Variants in POFUT3 observed in about 807,000 individuals in gnomAD.
The protein encoded by POFUT3 is GDP-fucose protein O-fucosyltransferase 3.
chr8:33,443,813 G>T, the POFUT3 span, among the ~76,000 whole-genome samples: 3 of 151,996 alleles, frequency 2.0e-5, no homozygotes, highest in Admixed American at 2.0e-4. Context: ...CCAGTTTCAT[G>T]CATGCAATCA....
At chr8:33,453,880 G>A in the POFUT3 span, among the ~76,000 whole-genome samples, 4 of 151,966 alleles carry the variant, frequency 2.6e-5, no homozygotes, top group Admixed American at 6.6e-5. Context: ...ACTTGAACTC[G>A]GGAGGCAGAG....
the POFUT3 span, among the ~76,000 whole-genome samples, chr8:33,468,187 C>T: frequency 6.6e-6 from 1 of 151,096 alleles, no homozygotes; most frequent in African/African-American, 2.4e-5. Context: ...ATGCAGTGAG[C>T]TGAGGTTGCA....
chr8:33,372,631 A>G, the POFUT3 span: 9 of 1,614,022 alleles, frequency 5.6e-6, no homozygotes, highest in South Asian at 8.8e-5. Flanking sequence ...TTTGATTCCT[A>G]TCAACCAGCC....
At chr8:33,462,880 G>A in the POFUT3 span, among the ~76,000 whole-genome samples, 15 of 151,674 alleles carry the variant, frequency 9.9e-5, no homozygotes, top group Non-Finnish European at 1.6e-4. Context: ...GCAGTAAGCC[G>A]TGACTGCACC....
chr8:33,394,513 T>C, the POFUT3 span, among the ~76,000 whole-genome samples: 1 of 152,192 alleles, frequency 6.6e-6, no homozygotes, highest in Admixed American at 6.5e-5. Flanking sequence ...CAGATCTGAG[T>C]AGCCCCTTAA....
the POFUT3 span, among the ~76,000 whole-genome samples, chr8:33,449,656 A>G: frequency 6.6e-6 from 1 of 152,056 alleles, no homozygotes. Flanking sequence ...CTATGATGTG[A>G]TGGAAAAATC....
chr8:33,354,418 T>C, the POFUT3 span, among the ~76,000 whole-genome samples: 2 of 152,158 alleles, frequency 1.3e-5, no homozygotes, highest in Non-Finnish European at 2.9e-5. Flanking sequence ...AGTAGGAGGA[T>C]AATTCCCAAT....
the POFUT3 span, among the ~76,000 whole-genome samples, chr8:33,394,805 T>TC: frequency 6.6e-6 from 1 of 152,056 alleles, no homozygotes; most frequent in African/African-American, 2.4e-5. Context: ...TACACCAATG[T>TC]CCCCCAACAC....
chr8:33,458,636 A>AACCCAGGAG, the POFUT3 span, among the ~76,000 whole-genome samples: 2,634 of 152,158 alleles, frequency 0.017, 43 homozygotes, highest in African/African-American at 0.045. Flanking sequence ...GAATTGCTTG[A>AACCCAGGAG]ACCCAGGAGG....
the POFUT3 span, among the ~76,000 whole-genome samples, chr8:33,445,003 G>A: frequency 4.9e-4 from 66 of 133,794 alleles, no homozygotes; most frequent in Admixed American, 2.2e-3. Context: ...GTGCAATCTC[G>A]ACTCACTGCA....
At chr8:33,401,870 A>G in the POFUT3 span, among the ~76,000 whole-genome samples, 1 of 152,160 alleles carries the variant, frequency 6.6e-6, no homozygotes, top group Admixed American at 6.5e-5. Flanking sequence ...TCTACTAAAA[A>G]TACAAAAATA....
chr8:33,343,115 A>G, the POFUT3 span, among the ~76,000 whole-genome samples: 1 of 151,662 alleles, frequency 6.6e-6, no homozygotes, highest in Admixed American at 6.6e-5. Flanking sequence ...CGTCTAAGAA[A>G]AAAAAAAAAA....
the POFUT3 span, among the ~76,000 whole-genome samples, chr8:33,424,256 C>T: frequency 1.3e-5 from 2 of 152,104 alleles, no homozygotes; most frequent in Admixed American, 6.6e-5. Flanking sequence ...CAGCCATGAC[C>T]CTCATGTTTC....
the POFUT3 span, among the ~76,000 whole-genome samples, chr8:33,386,188 CAAAAAAA>C: frequency 4.4e-4 from 14 of 32,040 alleles, no homozygotes; most frequent in East Asian, 3.8e-3. Flanking sequence ...GGCTCCATCT[CAAAAAAA>C]AAAAAAAAAA....
chr8:33,346,312 G>A, the POFUT3 span, among the ~76,000 whole-genome samples: 3 of 152,152 alleles, frequency 2.0e-5, no homozygotes, highest in Non-Finnish European at 4.4e-5. Flanking sequence ...GGTTTACACT[G>A]TCAGCCAACA....
At chr8:33,461,393 G>A in the POFUT3 span, 53 of 1,612,186 alleles carry the variant, frequency 3.3e-5, no homozygotes, top group Non-Finnish European at 4.1e-5. Context: ...CAAGCAGAAA[G>A]ACGGTGGCTG....
chr8:33,473,052 G>A, the POFUT3 span: 81,187 of 151,828 alleles, frequency 0.53, 22,089 homozygotes, highest in Non-Finnish European at 0.58. Context: ...GTGATGCGGC[G>A]CTCGCACTCA....
the POFUT3 span, among the ~76,000 whole-genome samples, chr8:33,467,496 A>T: frequency 6.6e-6 from 1 of 152,168 alleles, no homozygotes; most frequent in African/African-American, 2.4e-5. Context: ...GGGACAGAAC[A>T]ATATGTATAT....
the POFUT3 span, among the ~76,000 whole-genome samples, chr8:33,394,899 G>A: frequency 3.9e-5 from 6 of 152,124 alleles, no homozygotes; most frequent in Admixed American, 3.3e-4. Flanking sequence ...CCAAACCCAG[G>A]TTCATAAAGA....
Sources: allele counts gnomAD v4.1 joint callset (sites outside exome capture counted in the v4.1 genomes callset), GRCh38; gene constraint gnomAD v4.1.1; transcripts MANE v1.5; gene names NCBI Gene and HGNC (gene_info 2026-07-23, HGNC 2026-07-21).